Variants in MYO1B observed in about 807,000 individuals in gnomAD.
MYO1B encodes myosin IB.
In MYO1B, 72 loss-of-function variants were observed where a neutral mutation model predicts 159.7. The observed-to-expected ratio is 0.45, with a 90% CI of 0.37 to 0.55. The LOEUF is 0.55. Among genes scored for constraint, MYO1B ranks in the 20% least tolerant of loss-of-function variants. MYO1B has a pLI of 0.00. For missense variants in MYO1B, 1,062 were observed against 1,364.8 expected (o/e 0.78, Z 3.50); for synonymous variants, 468 against 473.8 (o/e 0.99, Z 0.16).
chr2:191,382,517 A>G (rs1433021149), intron 14 of MYO1B, among the ~76,000 whole-genome samples: 1 of 152,218 alleles, frequency 6.6e-6, no homozygotes, highest in Non-Finnish European at 1.5e-5. Flanking sequence ...CTGTCTTCTC[A>G]TCATGAAGAG....
Position 191,387,549 on chromosome 2 carries a change from A to G in MYO1B, c.1781+99A>G, listed in dbSNP as rs868314453. On this transcript the variant is annotated intron_variant, in intron 17 of 30. Transcript: ENST00000392318. Reference sequence around the variant, plus strand: ...TTCAATCTGAGTGTAGCCCAAGCAGAGGGTAACTAAAATACTTACAGATTA... The same window carrying G: ...TTCAATCTGAGTGTAGCCCAAGCAGGGGGTAACTAAAATACTTACAGATTA... 4.7e-6 allele frequency: 5 copies of G among 1,057,082 alleles called. No homozygotes were observed. In the Middle Eastern group the frequency reaches 6.0e-4, roughly 127 times the overall value. The allele number at this position is 1,057,082 out of a possible 1,614,324, so 65.5% of individuals were successfully genotyped here.
chr2:191,329,903 T>A (rs1691351571), intron 3 of MYO1B, 32 bp from the exon 4 acceptor site: 1 of 1,583,936 alleles, frequency 6.3e-7, no homozygotes, highest in Non-Finnish European at 8.6e-7. Flanking sequence ...TGATCTGAAG[T>A]CTAAGGAATT....
intron 21 of MYO1B, among the ~76,000 whole-genome samples, chr2:191,397,679 T>G (rs1417596564): frequency 6.9e-6 from 1 of 145,462 alleles, no homozygotes; most frequent in East Asian, 2.2e-4. Context: ...GCCATTGTCA[T>G]CATGGCCCAT....
At chr2:191,248,086 T>A in intron 1 of MYO1B, 1 of 929,166 alleles carries the variant, frequency 1.1e-6, no homozygotes, top group Non-Finnish European at 1.3e-6. Flanking sequence ...CTCCTTTGGG[T>A]AAGATTGTCT....
At chr2:191,312,876 T>C (rs531715402) in intron 3 of MYO1B, among the ~76,000 whole-genome samples, 9 of 152,330 alleles carry the variant, frequency 5.9e-5, no homozygotes, top group African/African-American at 2.2e-4. Context: ...ATTCAGGAAA[T>C]ATTTATTTTT....
chr2:191,321,624 A>G (rs1457101155), intron 3 of MYO1B, among the ~76,000 whole-genome samples: 1 of 152,174 alleles, frequency 6.6e-6, no homozygotes, highest in Non-Finnish European at 1.5e-5. Flanking sequence ...ATTTCTGGAC[A>G]GGGGAAATAG....
intron 4 of MYO1B, among the ~76,000 whole-genome samples, chr2:191,341,214 C>T (rs1692202352): frequency 6.6e-6 from 1 of 150,696 alleles, no homozygotes. Flanking sequence ...GGTCATGTTA[C>T]TAAGCAGTTT....
intron 1 of MYO1B, among the ~76,000 whole-genome samples, chr2:191,276,302 A>G (rs1244629037): frequency 1.3e-5 from 2 of 152,226 alleles, no homozygotes; most frequent in East Asian, 3.8e-4. Context: ...TTTCACATCA[A>G]ATGCAAAACA....
chr2:191,421,945 T>G (rs1697967431), intron 30 of MYO1B, among the ~76,000 whole-genome samples: 1 of 152,230 alleles, frequency 6.6e-6, no homozygotes, highest in Admixed American at 6.5e-5. Context: ...CTCATTGCTT[T>G]CAAGTTGAAA....
Position 191,344,553 on chromosome 2 carries a change from G to A in MYO1B, c.452-1683G>A, listed in dbSNP as rs898004552. ...CTTTTTAAGAATCAAAAACACAGCCGGGCGTGGTGGCTCACGCCTGTAATC... is the reference window on the plus strand; with the variant it reads ...CTTTTTAAGAATCAAAAACACAGCCAGGCGTGGTGGCTCACGCCTGTAATC... On this transcript the variant is annotated intron_variant, in intron 5 of 30. Transcript: ENST00000392318. Among the ~76,000 whole-genome samples the A allele has an allele frequency of 3.2e-4, 49 of 152,130 alleles. 2 individuals are homozygous for A. The highest frequency in any genetic ancestry group is 3.1e-3 in the Admixed American group (48 of 15,288).
At chr2:191,343,882 T>C (rs1275897933) in intron 5 of MYO1B, among the ~76,000 whole-genome samples, 1 of 152,198 alleles carries the variant, frequency 6.6e-6, no homozygotes, top group African/African-American at 2.4e-5. Context: ...CAATGAACTT[T>C]AAAAAAACCA....
At chr2:191,324,058 G>A (rs1396659443) in intron 3 of MYO1B, among the ~76,000 whole-genome samples, 2 of 151,958 alleles carry the variant, frequency 1.3e-5, no homozygotes, top group South Asian at 4.1e-4. Flanking sequence ...TAAAAGTGCA[G>A]TGCCTTAAAA....
intron 7 of MYO1B, among the ~76,000 whole-genome samples, chr2:191,359,137 A>G (rs1468694949): frequency 6.6e-6 from 1 of 152,230 alleles, no homozygotes; most frequent in African/African-American, 2.4e-5. Flanking sequence ...GCTCAGTCAC[A>G]TGATAAGTAA....
rs1055675224 is a variant in MYO1B at position 191,245,412 on chromosome 2, C to G, written c.-224C>G. ...CTCCTCCCGCCGCCGCTGAGCACTC[C>G]GCAGCTGGGTGCGCACGGGAGCCTC... On this transcript the variant is annotated 5_prime_UTR_variant, in exon 1 of 31. Transcript: ENST00000392318. The G allele has an allele frequency of 6.6e-6, 1 of 152,008 alleles. No homozygotes were observed. The highest frequency in any genetic ancestry group is 2.4e-5 in the African/African-American group (1 of 41,428). The allele number at this position is 152,008 out of a possible 1,614,324, so 9.4% of individuals were successfully genotyped here.
chr2:191,335,753 T>G (rs1349845837), intron 4 of MYO1B, among the ~76,000 whole-genome samples: 5 of 152,192 alleles, frequency 3.3e-5, no homozygotes, highest in Non-Finnish European at 7.3e-5. Flanking sequence ...CCATGTAGTA[T>G]TAGAGGGCTT....
At chr2:191,312,354 C>G (rs1690057201) in intron 3 of MYO1B, among the ~76,000 whole-genome samples, 2 of 152,184 alleles carry the variant, frequency 1.3e-5, no homozygotes, top group South Asian at 4.1e-4. Context: ...TCCACATATT[C>G]AAATCCTGCT....
chr2:191,329,911 A>AT (rs758748237), intron 3 of MYO1B, 24 bp from the exon 4 acceptor site: 2 of 1,597,146 alleles, frequency 1.3e-6, no homozygotes, highest in South Asian at 1.1e-5. Flanking sequence ...AGTCTAAGGA[A>AT]TTTTTTTCCA....
intron 1 of MYO1B, among the ~76,000 whole-genome samples, chr2:191,251,208 T>G (rs1454911598): frequency 1.3e-5 from 2 of 152,196 alleles, no homozygotes; most frequent in Admixed American, 6.5e-5. Flanking sequence ...AGGAATAGAT[T>G]GTCATCTGGG....
intron 30 of MYO1B, among the ~76,000 whole-genome samples, chr2:191,418,722 C>G (rs895717594): frequency 3.3e-5 from 5 of 152,084 alleles, no homozygotes; most frequent in Non-Finnish European, 5.9e-5. Flanking sequence ...CTCCTGACCT[C>G]AGGTGATCCG....
Sources: allele counts gnomAD v4.1 joint callset (sites outside exome capture counted in the v4.1 genomes callset), GRCh38; gene constraint gnomAD v4.1.1; transcripts MANE v1.5; gene names NCBI Gene and HGNC (gene_info 2026-07-23, HGNC 2026-07-21).